Variants in ZNF568 observed in about 807,000 individuals in gnomAD.
The protein encoded by ZNF568 is p53 inhibitor of SCO2 activation.
ZNF568 carries 11 observed loss-of-function variants against 18.1 expected under a neutral mutation model. The observed-to-expected ratio is 0.61, with a 90% confidence interval of 0.38 to 1.00. The LOEUF (loss-of-function observed/expected upper bound fraction) is 1.00. Among genes scored for constraint, ZNF568 ranks in the 50% least tolerant of loss-of-function variants. The probability of loss-of-function intolerance (pLI) is 0.01; values close to 1 mark genes in which losing one functional copy is unlikely to be tolerated. For synonymous variants in ZNF568, 213 were observed against 246.6 expected, an observed-to-expected ratio of 0.86 and a Z score of 1.28; for missense variants, 639 against 768.2, an observed-to-expected ratio of 0.83 and a Z score of 1.99.
chr19:36,996,624 A>G (rs1568411734), exon 5 of ZNF568: 2 of 1,535,578 alleles, frequency 1.3e-6, no homozygotes, highest in Non-Finnish European at 1.7e-6. Context: ...ATAAGGAAAA[A>G]GAACCTGAAT....
intron 4 of ZNF568, among the ~76,000 whole-genome samples, chr19:36,926,772 G>A (rs909562290): frequency 2.0e-5 from 3 of 152,094 alleles, no homozygotes; most frequent in African/African-American, 4.8e-5. Context: ...CTTATTTCAT[G>A]TAATTATTAT....
At position 36,950,249 on chromosome 19, in the gene ZNF568, G is replaced by T; in HGVS notation, c.1096G>T (p.Glu366Ter). The T allele has an allele frequency of 2.5e-6, 4 of 1,614,016 alleles. No homozygotes were observed. Among genetic ancestry groups the T allele is most frequent in the Non-Finnish European group, 3.4e-6 (4 of 1,179,996 alleles). ...TGGGGAGAAACCTTATGCATGTAATGAATGTGGTAGAGCTTTTTCTCGAAT... is the reference window on the plus strand; with the variant it reads ...TGGGGAGAAACCTTATGCATGTAATTAATGTGGTAGAGCTTTTTCTCGAAT... ...HTGEKPYACN[E>*]CGRAFSRMSS... The change falls in exon 7 of 7, where the codon GAA becomes TAA. Residue 366 changes from glutamate (E) to a stop codon, truncating the protein, a stop_gained. Transcript: ENST00000333987. LOFTEE classifies it low-confidence loss of function (END_TRUNC).
At chr19:36,937,968 C>T (rs978016236) in intron 6 of ZNF568, among the ~76,000 whole-genome samples, 1 of 152,190 alleles carries the variant, frequency 6.6e-6, no homozygotes, top group Non-Finnish European at 1.5e-5. Context: ...TTCCTTTCCA[C>T]AGTTGCATAC....
intron 6 of ZNF568, among the ~76,000 whole-genome samples, chr19:36,942,719 C>A (rs918112646): frequency 6.6e-6 from 1 of 151,764 alleles, no homozygotes; most frequent in African/African-American, 2.4e-5. Flanking sequence ...TCTCTCTTAC[C>A]CCCACTCCAG....
intron 2 of ZNF568, among the ~76,000 whole-genome samples, chr19:36,988,887 A>C (rs1413889417): frequency 6.6e-6 from 1 of 152,082 alleles, no homozygotes; most frequent in East Asian, 1.9e-4. Flanking sequence ...GCTATTTTGT[A>C]ATATACAATA....
At chr19:36,978,918 A>G (rs1600849317) in intron 7 of ZNF568, 2 of 303,574 alleles carry the variant, frequency 6.6e-6, no homozygotes. Context: ...TGTCAGTCTC[A>G]TGGTTGCGCT....
chr19:36,952,667 T>C lies in ZNF568; in HGVS notation c.*1579T>C. ...TAAAAGGAGACTTTAGCTTTGCTTGTAGTTTTTATACCTTAAAAAGACTGG... is the reference window on the plus strand; with the variant it reads ...TAAAAGGAGACTTTAGCTTTGCTTGCAGTTTTTATACCTTAAAAAGACTGG... On this transcript the variant is annotated 3_prime_UTR_variant, in exon 7 of 7. Coordinates refer to ENST00000333987, the MANE Select transcript of ZNF568 (RefSeq NM_198539.4). The C allele has an allele frequency of 2.3e-6, 1 of 437,836 alleles. No individual in the cohort carries two copies. Among genetic ancestry groups the C allele is most frequent in the Non-Finnish European group, 3.0e-6 (1 of 329,614 alleles). The allele number at this position is 437,836 out of a possible 1,614,324, so 27.1% of individuals were successfully genotyped here.
intron 4 of ZNF568, 66 bp from the exon 5 acceptor site, chr19:36,936,680 T>A: frequency 6.6e-7 from 1 of 1,518,980 alleles, no homozygotes; most frequent in Middle Eastern, 1.8e-4. Flanking sequence ...AAACAAGTTC[T>A]TGTATGTTGT....
chr19:36,918,144 C>T (rs991038057), intron 2 of ZNF568, among the ~76,000 whole-genome samples: 60 of 152,268 alleles, frequency 3.9e-4, no homozygotes, highest in African/African-American at 1.4e-3. Context: ...GACAGGGTTT[C>T]ACCATGTTAG....
downstream of ZNF568, among the ~76,000 whole-genome samples, chr19:36,953,270 T>G (rs2074082240): frequency 6.6e-6 from 1 of 152,236 alleles, no homozygotes; most frequent in African/African-American, 2.4e-5. Flanking sequence ...CCTGTAATTT[T>G]CCATACAACC....
intron 2 of ZNF568, among the ~76,000 whole-genome samples, chr19:36,986,413 C>A (rs984991627): frequency 1.3e-5 from 2 of 152,152 alleles, no homozygotes; most frequent in Non-Finnish European, 2.9e-5. Flanking sequence ...CATAGACATT[C>A]CCTGGGCAAA....
intron 2 of ZNF568, among the ~76,000 whole-genome samples, chr19:36,921,703 G>A (rs534615888): frequency 2.1e-4 from 32 of 151,842 alleles, no homozygotes; most frequent in African/African-American, 2.4e-4. Flanking sequence ...TAGTCATTTC[G>A]TATATTCATC....
intron 6 of ZNF568, among the ~76,000 whole-genome samples, chr19:36,965,550 A>C (rs1189903856): frequency 1.3e-5 from 2 of 152,112 alleles, no homozygotes; most frequent in Non-Finnish European, 2.9e-5. Context: ...GATGAGACAG[A>C]GATTCATTCT....
chr19:36,951,328 A>T lies in ZNF568; in HGVS notation c.*240A>T. The T allele has an allele frequency of 3.0e-6, 1 of 334,488 alleles. No homozygotes were observed. The highest frequency in any genetic ancestry group is 4.5e-5 in the Admixed American group (1 of 22,358). 20.7% of individuals were successfully genotyped at this position (334,488 alleles called of 1,614,324 possible). The stretch of plus-strand genomic sequence containing the variant: ...CAAAATCAACTAAGAATTTTCTAGG[A>T]TCTTTCAAAAATGATTATAAAATTC... On this transcript the variant is annotated 3_prime_UTR_variant, in exon 7 of 7. Coordinates refer to ENST00000333987, the MANE Select transcript of ZNF568 (RefSeq NM_198539.4).
At chr19:36,965,096 TTTGA>T (rs2074184571) in intron 6 of ZNF568, among the ~76,000 whole-genome samples, 2 of 152,192 alleles carry the variant, frequency 1.3e-5, no homozygotes, top group Admixed American at 1.3e-4. Flanking sequence ...CTTGGGAATC[TTTGA>T]TTATTGCTAT....
In ZNF568 at chr19:36,952,132, A is replaced by T; in HGVS notation, c.*1044A>T. 1.6e-6 allele frequency: 1 copy of T among 638,560 alleles called. No homozygotes were observed. The allele number at this position is 638,560 out of a possible 1,614,324, so 39.6% of individuals were successfully genotyped here. ...GAAACTCACAAATAATGCATAAGAA[A>T]TATATATATAATATATGTATGTATG... On this transcript the variant is annotated 3_prime_UTR_variant, in exon 7 of 7. Transcript: ENST00000333987.
chr19:36,982,620 C>T (rs1026408075), downstream of ZNF568, among the ~76,000 whole-genome samples: 2 of 152,060 alleles, frequency 1.3e-5, no homozygotes, highest in East Asian at 1.9e-4. Flanking sequence ...GCAGGAGAAT[C>T]GCTTGAACCT....
At position 36,940,501 on chromosome 19, in the gene ZNF568, T is replaced by G. The variant is rs12462151; in HGVS notation, c.358+3259T>G. 6.2e-3 allele frequency among the ~76,000 whole-genome samples: 952 copies of G among 152,324 alleles called. 28 individuals are homozygous for G. Among genetic ancestry groups the G allele is most frequent in the East Asian group, 0.05 (257 of 5,178 alleles). Reference sequence around the variant, plus strand: ...CCTGGAGAAAGAAAACTTTTATTCTTCCTATAAATGAGTCATGATTGATGT... The same window carrying G: ...CCTGGAGAAAGAAAACTTTTATTCTGCCTATAAATGAGTCATGATTGATGT... On this transcript the variant is annotated intron_variant, in intron 6 of 6. Transcript: ENST00000333987.
downstream of ZNF568, among the ~76,000 whole-genome samples, chr19:36,982,114 T>C (rs2074336635): frequency 6.6e-6 from 1 of 152,198 alleles, no homozygotes; most frequent in Non-Finnish European, 1.5e-5. Flanking sequence ...ACTTTTTGGT[T>C]GTAAATAATT....
Sources: allele counts gnomAD v4.1 joint callset (sites outside exome capture counted in the v4.1 genomes callset), GRCh38; gene constraint gnomAD v4.1.1; transcripts MANE v1.5; gene names NCBI Gene and HGNC (gene_info 2026-07-23, HGNC 2026-07-21).